The following SALL4 variants were observed in gnomAD, a reference collection of about 807,000 sequenced individuals.
The protein encoded by SALL4 is spalt like transcription factor 4.
In SALL4, 4 loss-of-function variants were observed where a neutral mutation model predicts 60.8. That is an observed-to-expected ratio of 0.07 (90% CI 0.03 to 0.15). The LOEUF (loss-of-function observed/expected upper bound fraction) is 0.15, where lower values mean the gene tolerates loss of function less well. SALL4 is among the 10% of genes least tolerant of loss of function. The probability of loss-of-function intolerance (pLI) is 1.00; values close to 1 mark genes in which losing one functional copy is unlikely to be tolerated. For synonymous variants in SALL4, 580 were observed against 574.9 expected (o/e 1.01, Z -0.13); for missense variants, 1,178 against 1,394.7 (o/e 0.84, Z 2.48).
At position 51,784,526 on chromosome 20, in the gene SALL4, A is replaced by G. The variant is rs759205184; in HGVS notation, c.2901T>C (p.Val967=). 1.2e-6 allele frequency: 2 copies of G among 1,614,120 alleles called. No homozygotes were observed. The highest frequency in any genetic ancestry group is 1.3e-5 in the African/African-American group (1 of 75,026). ...ILAPSVNVDP[V]VWNQYTSMLN... ...GCATGCTGGTGTACTGGTTCCACACAACAGGGTCCACATTCACTGAAGGGG... is the reference window on the plus strand; with the variant it reads ...GCATGCTGGTGTACTGGTTCCACACGACAGGGTCCACATTCACTGAAGGGG... The change falls in exon 4 of 4, where the codon GTT becomes GTC. Residue 967 remains valine (V), a synonymous_variant. Transcript: ENST00000217086.
At chr20:51,800,155 C>T (rs1355244774) in intron 1 of SALL4, among the ~76,000 whole-genome samples, 4 of 152,118 alleles carry the variant, frequency 2.6e-5, no homozygotes, top group Admixed American at 2.0e-4. Flanking sequence ...CAAAGAACAG[C>T]GGGCACAGAC....
chr20:51,798,306 A>G (rs965774492), intron 1 of SALL4, among the ~76,000 whole-genome samples: 3 of 152,066 alleles, frequency 2.0e-5, no homozygotes, highest in Non-Finnish European at 4.4e-5. Flanking sequence ...AAGGCGTGTG[A>G]CTTCTGTTTG....
intron 1 of SALL4, 85 bp downstream of exon 1, chr20:51,802,194 C>A: frequency 6.8e-7 from 1 of 1,470,190 alleles, no homozygotes; most frequent in Non-Finnish European, 9.0e-7. Flanking sequence ...TGGACGCCGC[C>A]CGCTCCCCGA....
chr20:51,787,241 G>A (rs923534898), intron 3 of SALL4, among the ~76,000 whole-genome samples: 2 of 151,942 alleles, frequency 1.3e-5, no homozygotes, highest in African/African-American at 2.4e-5. Context: ...GGCCAACATC[G>A]TGAAACCTCG....
rs1450773588 is a variant in SALL4 at position 51,791,000 on chromosome 20, G to T, written c.1483C>A (p.Pro495Thr). 1 of 1,614,064 alleles carries T rather than the reference G, an allele frequency of 6.2e-7. No individual in the cohort carries two copies. The highest frequency in any genetic ancestry group is 2.2e-5 in the East Asian group (1 of 44,894). The change falls in exon 2 of 4, where the codon CCC (proline) becomes ACC (threonine). Residue 495 changes from proline (P) to threonine (T), a missense_variant. Physicochemically the swap from Pro to Thr is conservative, Grantham distance 38. Coordinates refer to ENST00000217086, the MANE Select transcript of SALL4 (RefSeq NM_020436.5). This position sits in a 1 kb window ranked among gnomAD's most constrained non-coding sequence, Gnocchi z 5.5. ...AAGGAGCCACCCGTGAGGTCCTTGG[G>T]ATTAGTCCCCGAAGAAAGATTCTGA... is the stretch of plus-strand genomic sequence containing the variant. ...LPQNLSSGTN[P>T]KDLTGGSLPG...
At chr20:51,796,280 C>G (rs8123556) in intron 1 of SALL4, among the ~76,000 whole-genome samples, 9,093 of 150,164 alleles carry the variant, frequency 0.061, 368 homozygotes, top group African/African-American at 0.11. Context: ...ACATTAACCA[C>G]TCCATACTAC....
At chr20:51,800,238 AC>A (rs1280719660) in intron 1 of SALL4, among the ~76,000 whole-genome samples, 2 of 151,116 alleles carry the variant, frequency 1.3e-5, no homozygotes, top group African/African-American at 4.9e-5. Context: ...CTCTCCATTC[AC>A]CCCCACAACC....
intron 1 of SALL4, among the ~76,000 whole-genome samples, chr20:51,796,297 G>T (rs73271698): frequency 6.7e-6 from 1 of 149,380 alleles, no homozygotes; most frequent in South Asian, 2.1e-4. Flanking sequence ...CTACTTTTTA[G>T]AGGCCAAAGC....
At position 51,801,173 on chromosome 20, in the gene SALL4, G is replaced by C. The variant is rs572348953; in HGVS notation, c.130+1106C>G. 1.3e-5 allele frequency among the ~76,000 whole-genome samples: 2 copies of C among 152,114 alleles called. No individual in the cohort carries two copies. Among genetic ancestry groups the C allele is most frequent in the African/African-American group, 4.8e-5 (2 of 41,432 alleles). ...TTATCAGGCGACAATTTGGCGGGCC[G>C]GGATGGAGACGAGATAGTGGAAAAC... On this transcript the variant is annotated intron_variant, in intron 1 of 3. Coordinates refer to ENST00000217086, the MANE Select transcript of SALL4 (RefSeq NM_020436.5). The surrounding 1 kb of genome is among the most constrained non-coding windows in gnomAD (Gnocchi z 5.2).
intron 3 of SALL4, 134 bp from the exon 4 acceptor site, chr20:51,784,818 G>T: frequency 1.0e-6 from 1 of 997,358 alleles, no homozygotes; most frequent in Non-Finnish European, 1.5e-6. Context: ...CTTACAGCGG[G>T]GTTATGCCCA....
intron 2 of SALL4, among the ~76,000 whole-genome samples, chr20:51,789,744 C>A (rs1376408558): frequency 1.3e-5 from 2 of 152,132 alleles, no homozygotes; most frequent in African/African-American, 4.8e-5. Flanking sequence ...CGACTACCCA[C>A]CCCTATGTCC....
Position 51,784,394 on chromosome 20 carries a change from G to A in SALL4, c.3033C>T (p.Ala1011=). The A allele has an allele frequency of 6.2e-7, 1 of 1,614,188 alleles. No homozygotes were observed. ...GGGAGCCATCCATCTTGGAGACAGT[G>A]GCGTTATTCACAACGGAGGTGGCCC... The part of the protein sequence containing the change: ...SLGATSVVNN[A]TVSKMDGSQS... Residue 1011 remains alanine, a synonymous_variant, in exon 4 of 4, where the codon GCC becomes GCT. Coordinates refer to ENST00000217086, the MANE Select transcript of SALL4 (RefSeq NM_020436.5).
rs1041847971 is a variant in SALL4 at position 51,791,387 on chromosome 20, T to G, written c.1096A>C (p.Ile366Leu). ...TTGGGTTTGACATCCACCGCGGAGA[T>G]GTTCGGTGGCTTCCCCTTCCCTTTC... ...SKKGKGKPPN[I>L]SAVDVKPKDE... is the part of the protein sequence containing the mutation. The change falls in exon 2 of 4, where the codon ATC becomes CTC. Residue 366 changes from isoleucine to leucine, a missense_variant. By Grantham distance (5) the Ile-to-Leu change is conservative. This residue lies in a region of SALL4 where 853 missense variants were observed against 1,036.8 expected (regional missense o/e 0.82). Transcript: ENST00000217086. The surrounding 1 kb of genome is among the most constrained non-coding windows in gnomAD (Gnocchi z 4.6). 2.5e-6 allele frequency: 4 copies of G among 1,614,072 alleles called. No individual in the cohort carries two copies. The African/African-American group carries it at 5.3e-5, about 22-fold the overall frequency.
chr20:51,790,981 C>T lies in SALL4; in HGVS notation c.1502G>A (p.Gly501Asp), dbSNP rs1461034614. The T allele has an allele frequency of 7.4e-6, 12 of 1,614,182 alleles. No homozygotes were observed. The highest frequency in any genetic ancestry group is 9.3e-6 in the Non-Finnish European group (11 of 1,180,034). ...SGTNPKDLTG[G>D]SLPGDLQPGP... is the part of the protein sequence containing the mutation. ...AGGCTGCAGGTCACCGGGCAAGGAG[C>T]CACCCGTGAGGTCCTTGGGATTAGT... Residue 501 changes from glycine to aspartate, a missense_variant, in exon 2 of 4, where the codon GGC (glycine) becomes GAC (aspartate). Physicochemically the swap from Gly to Asp is moderately conservative, Grantham distance 94. Around this residue, in one of 5 missense-constraint regions of SALL4, gnomAD observed 853 missense variants for 1,036.8 expected, o/e 0.82. Coordinates refer to ENST00000217086, the MANE Select transcript of SALL4 (RefSeq NM_020436.5). The surrounding 1 kb of genome is among the most constrained non-coding windows in gnomAD (Gnocchi z 5.5).
chr20:51,795,877 G>A (rs548178562), intron 1 of SALL4, among the ~76,000 whole-genome samples: 2 of 152,206 alleles, frequency 1.3e-5, no homozygotes, highest in East Asian at 1.9e-4. Context: ...CAGAAAAGGC[G>A]AACGCTTTAT....
chr20:51,801,541 G>A lies in SALL4; in HGVS notation c.130+738C>T, dbSNP rs2078109713. 1 of 152,344 alleles carries A rather than the reference G, an allele frequency of 6.6e-6. No homozygotes were observed. The highest frequency in any genetic ancestry group is 2.4e-5 in the African/African-American group (1 of 41,470). The allele number at this position is 152,344 out of a possible 1,614,324, so 9.4% of individuals were successfully genotyped here. ...AGGAAGTCGGAAATCAAAGATGGCT[G>A]GAGGTCAGGCCCCGAAAGGTTAGGG... On this transcript the variant is annotated intron_variant, in intron 1 of 3. Transcript: ENST00000217086. This position sits in a 1 kb window ranked among gnomAD's most constrained non-coding sequence, Gnocchi z 5.2.
chr20:51,802,253 C>G (rs552175277), intron 1 of SALL4, 26 bp downstream of exon 1: 2 of 1,573,428 alleles, frequency 1.3e-6, no homozygotes, highest in South Asian at 2.3e-5. Flanking sequence ...CTCCCCTCCC[C>G]GGGCGGGCGC....
chr20:51,785,952 G>C (rs1485119134), intron 3 of SALL4, among the ~76,000 whole-genome samples: 1 of 146,244 alleles, frequency 6.8e-6, no homozygotes, highest in East Asian at 2.1e-4. Context: ...TTTTTTTTGA[G>C]TCTTAATCTG....
intron 1 of SALL4, among the ~76,000 whole-genome samples, chr20:51,800,746 A>G: frequency 9.0e-6 from 1 of 111,032 alleles, no homozygotes; most frequent in African/African-American, 3.4e-5. Flanking sequence ...CCCGCCCCCA[A>G]CCAAGGCACA....
Sources: allele counts gnomAD v4.1 joint callset (sites outside exome capture counted in the v4.1 genomes callset), GRCh38; gene constraint gnomAD v4.1.1; regional missense constraint gnomAD v4.1.1; non-coding constraint Gnocchi (gnomAD v3.1); transcripts MANE v1.5; gene names NCBI Gene and HGNC (gene_info 2026-07-23, HGNC 2026-07-21).